KCNC2: variants seen among roughly 807,000 people sequenced by gnomAD.
KCNC2 encodes potassium voltage-gated channel subfamily C member 2, also known as voltage-gated potassium channel KCNC2.
A neutral mutation model predicts 44.5 loss-of-function variants in KCNC2; 21 were observed. The observed-to-expected ratio is 0.47, with a 90% CI of 0.33 to 0.68. KCNC2 has a LOEUF of 0.68. Among genes scored for constraint, KCNC2 ranks in the 30% least tolerant of loss-of-function variants. The probability of loss-of-function intolerance (pLI) is 0.01; values close to 1 mark genes in which losing one functional copy is unlikely to be tolerated. For missense variants in KCNC2, 589 were observed against 826.2 expected (o/e 0.71, Z 3.52); for synonymous variants, 391 against 339.1 (o/e 1.15, Z -1.68).
At chr12:75,195,613 T>G (rs149356925) in intron 2 of KCNC2, among the ~76,000 whole-genome samples, 1 of 152,192 alleles carries the variant, frequency 6.6e-6, no homozygotes, top group African/African-American at 2.4e-5. Context: ...TTTTACTTCA[T>G]TCCTCTTGCT....
intron 2 of KCNC2, among the ~76,000 whole-genome samples, chr12:75,058,460 T>A (rs969143301): frequency 2.6e-5 from 4 of 152,078 alleles, no homozygotes; most frequent in African/African-American, 9.7e-5. Flanking sequence ...AGTCCCAATA[T>A]GTCTTTCTTG....
At chr12:75,151,774 A>T (rs958632579) in intron 2 of KCNC2, among the ~76,000 whole-genome samples, 5 of 151,394 alleles carry the variant, frequency 3.3e-5, no homozygotes, top group Admixed American at 1.3e-4. Flanking sequence ...AACTGATAGA[A>T]ATTTAAAAAT....
chr12:75,055,091 T>G (rs1565814216), intron 2 of KCNC2, among the ~76,000 whole-genome samples: 1 of 152,250 alleles, frequency 6.6e-6, no homozygotes, highest in East Asian at 1.9e-4. Flanking sequence ...TATTTTTTCC[T>G]TCACTGAACT....
In KCNC2 at chr12:75,207,390, G is replaced by A. The variant is rs749369683; in HGVS notation, c.594C>T (p.Leu198=). 3 of 1,585,040 alleles carry A rather than the reference G, an allele frequency of 1.9e-6. No homozygotes were observed. Among genetic ancestry groups the A allele is most frequent in the African/African-American group, 1.4e-5 (1 of 73,970 alleles). The change falls in exon 2 of 5, where the codon CTC becomes CTT. Residue 198 remains leucine, a synonymous_variant. Transcript: ENST00000549446. This position sits in a 1 kb window ranked among gnomAD's most constrained non-coding sequence, Gnocchi z 4.1. ...GGCCAGATTTGCCGTCGGGGCCCCCGAGCCCCGCCGCGTCCTCGATGCCCA... is the reference window on the plus strand; with the variant it reads ...GGCCAGATTTGCCGTCGGGGCCCCCAAGCCCCGCCGCGTCCTCGATGCCCA... ...KRLGIEDAAG[L]GGPDGKSGRW...
intron 2 of KCNC2, chr12:75,140,304 A>G (rs76921162): frequency 6.4e-3 from 1 of 156 alleles, no homozygotes; most frequent in Non-Finnish European, 0.016. Flanking sequence ...GGATGGCCAA[A>G]AAAAAAATCA....
At chr12:75,192,305 T>C (rs191763164) in intron 2 of KCNC2, among the ~76,000 whole-genome samples, 2 of 152,364 alleles carry the variant, frequency 1.3e-5, no homozygotes, top group Non-Finnish European at 2.9e-5. Flanking sequence ...TTCCCTGTAA[T>C]TAGCAGGACA....
At chr12:75,067,893 T>C (rs1270049804) in intron 2 of KCNC2, among the ~76,000 whole-genome samples, 1 of 152,064 alleles carries the variant, frequency 6.6e-6, no homozygotes, top group Non-Finnish European at 1.5e-5. Context: ...AAAAACATAC[T>C]TTTTTTATGT....
chr12:75,110,286 T>C (rs961445), intron 2 of KCNC2, among the ~76,000 whole-genome samples: 28,648 of 152,052 alleles, frequency 0.19, 2,935 homozygotes, highest in Middle Eastern at 0.27. Context: ...TAAACCCTTG[T>C]AAGCATCTAT....
chr12:75,144,380 C>T lies in KCNC2; in HGVS notation c.687+62917G>A, dbSNP rs540266709. ...TTAGTAGAGTGTTGTCCCACTAGTA[C>T]ATTAATGTTTTATTCATTAAATTAT... On this transcript the variant is annotated intron_variant, in intron 2 of 4. Coordinates refer to ENST00000549446, the MANE Select transcript of KCNC2 (RefSeq NM_139137.4). 1.2e-4 allele frequency among the ~76,000 whole-genome samples: 19 copies of T among 152,230 alleles called. 1 individual carries two copies. The South Asian group carries it at 3.9e-3, about 32-fold the overall frequency.
intron 2 of KCNC2, among the ~76,000 whole-genome samples, chr12:75,055,762 G>A (rs375591202): frequency 1.3e-4 from 19 of 151,924 alleles, no homozygotes; most frequent in Admixed American, 5.9e-4. Context: ...ACCATGAGTT[G>A]GAAGTCTTCA....
chr12:75,200,693 C>A (rs896138977), intron 2 of KCNC2, among the ~76,000 whole-genome samples: 1 of 149,602 alleles, frequency 6.7e-6, no homozygotes, highest in Non-Finnish European at 1.5e-5. Context: ...CATACACATT[C>A]ATTTTAAAAT....
chr12:75,196,609 T>C (rs1408632883), intron 2 of KCNC2, among the ~76,000 whole-genome samples: 1 of 151,986 alleles, frequency 6.6e-6, no homozygotes, highest in Non-Finnish European at 1.5e-5. Flanking sequence ...CTGGTCCAGA[T>C]GAGAAAAAAG....
In KCNC2 at chr12:75,054,680, G is replaced by T. The variant is rs116467222; in HGVS notation, c.688-3363C>A. ...CCATGGGAGGCGGGATATGTTATAG[G>T]TATAAGAAACACAGAAGAGTCATAA... is the stretch of plus-strand genomic sequence containing the variant. On this transcript the variant is annotated intron_variant, in intron 2 of 4. Coordinates refer to ENST00000549446, the MANE Select transcript of KCNC2 (RefSeq NM_139137.4). Among the ~76,000 whole-genome samples, 176 of 152,232 alleles carry T rather than the reference G, an allele frequency of 1.2e-3. 1 individual carries two copies. Among genetic ancestry groups the T allele is most frequent in the African/African-American group, 4.0e-3 (166 of 41,566 alleles).
At chr12:75,125,829 A>G (rs1035412125) in intron 2 of KCNC2, among the ~76,000 whole-genome samples, 2 of 152,126 alleles carry the variant, frequency 1.3e-5, no homozygotes, top group Admixed American at 6.5e-5. Context: ...CACACCTTCA[A>G]ACTGAATTCA....
intron 2 of KCNC2, among the ~76,000 whole-genome samples, chr12:75,066,372 T>C (rs1882833766): frequency 6.6e-6 from 1 of 152,204 alleles, no homozygotes; most frequent in South Asian, 2.1e-4. Flanking sequence ...ACTTATATAT[T>C]TGGTTTATAT....
Position 75,042,546 on chromosome 12 carries a change from C to A in KCNC2, c.*559G>T. 1 of 1,400,238 alleles carries A rather than the reference C, an allele frequency of 7.1e-7. No individual in the cohort carries two copies. Among genetic ancestry groups the A allele is most frequent in the Non-Finnish European group, 9.3e-7 (1 of 1,080,714 alleles). 86.7% of individuals were successfully genotyped at this position (1,400,238 alleles called of 1,614,324 possible). ...CCCACAATTCAACATGCAGAACAGT[C>A]GACCAATGCTTTCATATCAGCAGGA... On this transcript the variant is annotated 3_prime_UTR_variant, in exon 5 of 5. Transcript: ENST00000549446.
At chr12:75,192,208 C>T (rs2446347) in intron 2 of KCNC2, among the ~76,000 whole-genome samples, 99,709 of 152,134 alleles carry the variant, frequency 0.66, 34,932 homozygotes, top group African/African-American at 0.91. Flanking sequence ...CTTTTTCCTG[C>T]GCTCCTTGTC....
intron 2 of KCNC2, among the ~76,000 whole-genome samples, chr12:75,165,595 T>C (rs1891396208): frequency 6.6e-6 from 1 of 151,530 alleles, no homozygotes; most frequent in Non-Finnish European, 1.5e-5. Flanking sequence ...ATTTTTCTAA[T>C]ATATTCTACC....
chr12:75,201,261 GGAAAAAA>G (rs2031224626), intron 2 of KCNC2, among the ~76,000 whole-genome samples: 1 of 19,928 alleles, frequency 5.0e-5, no homozygotes, highest in African/African-American at 2.0e-4. Flanking sequence ...AAACGAAATT[GGAAAAAA>G]AAAAAAAAAA....
Sources: gnomAD v4.1 joint callset for allele counts (sites outside exome capture counted in the v4.1 genomes callset) on GRCh38, gnomAD v4.1.1 for gene constraint, Gnocchi (gnomAD v3.1) non-coding constraint, MANE v1.5 for transcripts, NCBI Gene and HGNC (gene_info 2026-07-23, HGNC 2026-07-21) for gene names.